The following DLGAP1 variants were observed in gnomAD, a reference collection of about 807,000 sequenced individuals.
The protein encoded by DLGAP1 is disks large-associated protein 1.
In DLGAP1, 11 loss-of-function variants were observed where a neutral mutation model predicts 90.8. That is an observed-to-expected ratio of 0.12 (90% CI 0.08 to 0.20). The LOEUF (loss-of-function observed/expected upper bound fraction) is 0.20, where lower values mean the gene tolerates loss of function less well. Ranked by LOEUF, DLGAP1 falls within the 10% of genes least tolerant of loss-of-function variation. DLGAP1 has a pLI of 1.00. For missense variants in DLGAP1, 1,050 were observed against 1,333.8 expected (o/e 0.79, Z 3.31); for synonymous variants, 558 against 540.7 (o/e 1.03, Z -0.44).
intron 1 of DLGAP1, among the ~76,000 whole-genome samples, chr18:4,358,269 T>C (rs2081564466): frequency 6.6e-6 from 1 of 152,200 alleles, no homozygotes; most frequent in South Asian, 2.1e-4. Context: ...TAAAATAAGA[T>C]GATAAATGAC....
chr18:3,810,931 G>A (rs940091776), intron 5 of DLGAP1, among the ~76,000 whole-genome samples: 1 of 151,782 alleles, frequency 6.6e-6, no homozygotes, highest in African/African-American at 2.4e-5. Context: ...TCAGCCTCCC[G>A]AGTAGCTGGG....
In DLGAP1 at chr18:3,880,094, T is replaced by A; in HGVS notation, c.-26A>T. On this transcript the variant is annotated 5_prime_UTR_variant, in exon 4 of 13. Coordinates refer to ENST00000315677, the MANE Select transcript of DLGAP1 (RefSeq NM_004746.4). ...GGCGGACCGGAAGCAGCCGCCAGGG[T>A]CATGGACACCCGGAAGTCAGGCTCC... The A allele has an allele frequency of 5.7e-6, 9 of 1,592,420 alleles. No individual in the cohort carries two copies. The highest frequency in any genetic ancestry group is 6.8e-6 in the Non-Finnish European group (8 of 1,175,808).
intron 4 of DLGAP1, among the ~76,000 whole-genome samples, chr18:3,845,955 G>C (rs1056911384): frequency 2.0e-5 from 3 of 151,968 alleles, no homozygotes; most frequent in Admixed American, 6.6e-5. Flanking sequence ...AATTAAACGT[G>C]TTGTAGAAAC....
At chr18:3,793,196 CATCCATGTG>C (rs2065824374) in intron 5 of DLGAP1, among the ~76,000 whole-genome samples, 1 of 152,192 alleles carries the variant, frequency 6.6e-6, no homozygotes, top group Non-Finnish European at 1.5e-5. Flanking sequence ...TCTCCAGAGT[CATCCATGTG>C]ATCCAATGGC....
At chr18:4,380,751 C>T (rs770260061) in intron 1 of DLGAP1, among the ~76,000 whole-genome samples, 44 of 152,266 alleles carry the variant, frequency 2.9e-4, no homozygotes, top group East Asian at 2.1e-3. Context: ...TACTAATTAA[C>T]GAAACTCATC....
chr18:4,167,669 C>T (rs1230385567), intron 1 of DLGAP1, among the ~76,000 whole-genome samples: 1 of 152,156 alleles, frequency 6.6e-6, no homozygotes, highest in East Asian at 1.9e-4. Context: ...CTGAACAACA[C>T]AGTGAAATAA....
intron 10 of DLGAP1, among the ~76,000 whole-genome samples, chr18:3,528,885 G>A (rs2051815287): frequency 6.6e-6 from 1 of 151,890 alleles, no homozygotes; most frequent in South Asian, 2.1e-4. Context: ...AAGCCTTCAA[G>A]TGTTTGTGGA....
At chr18:4,046,887 T>A (rs1039234833) in intron 2 of DLGAP1, among the ~76,000 whole-genome samples, 7 of 152,222 alleles carry the variant, frequency 4.6e-5, no homozygotes, top group African/African-American at 1.4e-4. Context: ...CTCTCTAAGC[T>A]GGCCTCAGGA....
chr18:4,140,914 A>C, intron 2 of DLGAP1, among the ~76,000 whole-genome samples: 1 of 151,874 alleles, frequency 6.6e-6, no homozygotes, highest in Non-Finnish European at 1.5e-5. Context: ...TATATTGGAG[A>C]TCCATTGCAT....
At chr18:3,587,483 C>T (rs886168639) in intron 7 of DLGAP1, among the ~76,000 whole-genome samples, 2 of 152,124 alleles carry the variant, frequency 1.3e-5, no homozygotes, top group African/African-American at 4.8e-5. Context: ...ACGCACCAAT[C>T]GGCACTCTGT....
intron 7 of DLGAP1, among the ~76,000 whole-genome samples, chr18:3,725,794 C>G (rs939428768): frequency 2.6e-5 from 4 of 152,110 alleles, no homozygotes; most frequent in African/African-American, 9.7e-5. Flanking sequence ...TTAATTTTTC[C>G]TGATTTGCTG....
intron 2 of DLGAP1, among the ~76,000 whole-genome samples, chr18:4,113,785 G>A (rs902281941): frequency 2.6e-5 from 4 of 152,002 alleles, no homozygotes; most frequent in South Asian, 2.1e-4. Flanking sequence ...ATTAATTTTC[G>A]TATATGGTGA....
chr18:3,914,077 A>G (rs899064359), intron 3 of DLGAP1, among the ~76,000 whole-genome samples: 1 of 151,976 alleles, frequency 6.6e-6, no homozygotes, highest in African/African-American at 2.4e-5. Context: ...GGAATATTTA[A>G]TATCTATTCT....
intron 2 of DLGAP1, among the ~76,000 whole-genome samples, chr18:4,073,142 A>G (rs1470520829): frequency 1.3e-5 from 2 of 152,190 alleles, no homozygotes; most frequent in African/African-American, 2.4e-5. Context: ...TGTGGAAAGA[A>G]AAGAGCTTAG....
At chr18:4,416,131 A>G (rs1013785735) in intron 1 of DLGAP1, among the ~76,000 whole-genome samples, 1 of 152,202 alleles carries the variant, frequency 6.6e-6, no homozygotes, top group Admixed American at 6.5e-5. Context: ...TTGTAGTGAC[A>G]TATTAATACA....
intron 7 of DLGAP1, among the ~76,000 whole-genome samples, chr18:3,600,685 G>GATATCTATATAGATATATAT (rs2056844837): frequency 1.5e-5 from 2 of 130,108 alleles, no homozygotes; most frequent in African/African-American, 7.1e-5. Flanking sequence ...GATATCTATA[G>GATATCTATATAGATATATAT]AGATCTATAT....
At chr18:3,922,995 G>A (rs972963292) in intron 3 of DLGAP1, among the ~76,000 whole-genome samples, 1 of 151,916 alleles carries the variant, frequency 6.6e-6, no homozygotes, top group Admixed American at 6.6e-5. Flanking sequence ...TTAGCTGGGC[G>A]TGGTGGCGCA....
chr18:3,553,687 T>C (rs1282354059), intron 9 of DLGAP1, among the ~76,000 whole-genome samples: 1 of 151,972 alleles, frequency 6.6e-6, no homozygotes, highest in Non-Finnish European at 1.5e-5. Flanking sequence ...ATGTGCGCCA[T>C]CATGCCTGGC....
At position 3,868,398 on chromosome 18, in the gene DLGAP1, A is replaced by C. The variant is rs548283408; in HGVS notation, c.957+10714T>G. On this transcript the variant is annotated intron_variant, in intron 4 of 12. Transcript: ENST00000315677. Reference sequence around the variant, plus strand: ...TCCTTTAAAGGACTTTAAAAGGAAAAGTCCTGTAGAAAGGCCTCTCTCCCT... The same window carrying C: ...TCCTTTAAAGGACTTTAAAAGGAAACGTCCTGTAGAAAGGCCTCTCTCCCT... Among the ~76,000 whole-genome samples the C allele has an allele frequency of 2.0e-5, 3 of 152,288 alleles. No individual in the cohort carries two copies. In the East Asian group the frequency reaches 5.8e-4, roughly 29 times the overall value.
Sources: allele counts gnomAD v4.1 joint callset (sites outside exome capture counted in the v4.1 genomes callset), GRCh38; gene constraint gnomAD v4.1.1; transcripts MANE v1.5; gene names NCBI Gene and HGNC (gene_info 2026-07-23, HGNC 2026-07-21).